The following ZFP3 variants were observed in gnomAD, a reference collection of about 807,000 sequenced individuals.
ZFP3 encodes zinc finger protein 3 homolog.
In ZFP3, 18 loss-of-function variants were observed where a neutral mutation model predicts 36.7. That is an observed-to-expected ratio of 0.49 (90% CI 0.34 to 0.73). ZFP3 has a LOEUF of 0.73. Ranked by LOEUF, ZFP3 falls within the 30% of genes least tolerant of loss-of-function variation. ZFP3 has a pLI of 0.01. For missense variants in ZFP3, 495 were observed against 599.0 expected (o/e 0.83, Z 1.81); for synonymous variants, 218 against 199.0 (o/e 1.10, Z -0.81).
In ZFP3 at chr17:5,091,961, A is replaced by C; in HGVS notation, c.457A>C (p.Asn153His). 2 of 1,614,174 alleles carry C rather than the reference A, an allele frequency of 1.2e-6. No homozygotes were observed. The highest frequency in any genetic ancestry group is 1.3e-5 in the African/African-American group (1 of 75,062). Residue 153 changes from asparagine to histidine, a missense_variant, in exon 2 of 2, where the codon AAC (asparagine) becomes CAC (histidine). This residue lies in a region of ZFP3 where 229 missense variants were observed against 233.8 expected (regional missense o/e 0.98). Transcript: ENST00000318833. ...CKECGKAFNQ[N>H]SHLIQHMRVH... is the part of the protein sequence containing the mutation. ...AGAATGTGGGAAAGCCTTTAATCAG[A>C]ACTCACATCTCATCCAGCATATGAG...
intron 1 of ZFP3, among the ~76,000 whole-genome samples, chr17:5,085,988 TGGA>T (rs2143524897): frequency 6.6e-6 from 1 of 152,278 alleles, no homozygotes; most frequent in East Asian, 1.9e-4. Flanking sequence ...GATGGTACCA[TGGA>T]GGAAGAAGAT....
intron 1 of ZFP3, among the ~76,000 whole-genome samples, chr17:5,091,139 C>G (rs1223823257): frequency 6.6e-6 from 1 of 152,040 alleles, no homozygotes; most frequent in Non-Finnish European, 1.5e-5. Flanking sequence ...CTCTTGAAAT[C>G]TTTTCTCACT....
In ZFP3 at chr17:5,095,077, T is replaced by C. The variant is rs560872543; in HGVS notation, c.*2064T>C. On this transcript the variant is annotated 3_prime_UTR_variant, in exon 2 of 2. Transcript: ENST00000318833. ...CTTATCTGAAACCCTTTGCACAGTT[T>C]CTATTACTGATTTCTATGTAGATTT... The C allele has an allele frequency of 1.2e-5, 2 of 167,264 alleles. No individual in the cohort carries two copies. The highest frequency in any genetic ancestry group is 3.8e-4 in the East Asian group (2 of 5,200). 10.4% of individuals were successfully genotyped at this position (167,264 alleles called of 1,614,324 possible). A position where few individuals can be genotyped will look rare whatever the true frequency, so the allele number is the denominator to read the frequency against.
At chr17:5,088,790 G>A (rs1057043827) in intron 1 of ZFP3, among the ~76,000 whole-genome samples, 2 of 152,144 alleles carry the variant, frequency 1.3e-5, no homozygotes, top group Non-Finnish European at 2.9e-5. Flanking sequence ...GACCACGAGT[G>A]TGCATCTGCG....
At chr17:5,081,500 C>T (rs2072093181) in intron 1 of ZFP3, among the ~76,000 whole-genome samples, 1 of 152,178 alleles carries the variant, frequency 6.6e-6, no homozygotes, top group African/African-American at 2.4e-5. Flanking sequence ...TATTTTGTAT[C>T]CTTGCCTATG....
chr17:5,078,955 A>G lies in ZFP3; in HGVS notation c.-9+380A>G, dbSNP rs956568523. On this transcript the variant is annotated intron_variant, in intron 1 of 1. Coordinates refer to ENST00000318833, the MANE Select transcript of ZFP3 (RefSeq NM_153018.3). This position sits in a 1 kb window ranked among gnomAD's most constrained non-coding sequence, Gnocchi z 4.5. ...GGCAGTGTCACAAACTTAACGCCCT[A>G]GTGGCAGATTGTGCCCTGTGCTGCC... Among the ~76,000 whole-genome samples, 1 of 152,208 alleles carries G rather than the reference A, an allele frequency of 6.6e-6. No homozygotes were observed. Among genetic ancestry groups the G allele is most frequent in the African/African-American group, 2.4e-5 (1 of 41,446 alleles).
intron 1 of ZFP3, 112 bp from the exon 2 acceptor site, chr17:5,091,385 C>T: frequency 1.6e-6 from 2 of 1,215,776 alleles, no homozygotes; most frequent in Non-Finnish European, 2.3e-6. Context: ...CTCCCCTGAC[C>T]AAGACTGTTT....
chr17:5,090,682 C>A (rs1279157079), intron 1 of ZFP3, among the ~76,000 whole-genome samples: 2 of 150,438 alleles, frequency 1.3e-5, no homozygotes, highest in African/African-American at 4.9e-5. Context: ...CTTTTTTTTT[C>A]TTTTTTGAGA....
intron 1 of ZFP3, among the ~76,000 whole-genome samples, chr17:5,084,604 TG>T (rs1263909554): frequency 2.0e-5 from 3 of 152,120 alleles, no homozygotes; most frequent in Non-Finnish European, 4.4e-5. Context: ...TTGCTTTCCT[TG>T]GGTGCATTGA....
At chr17:5,088,595 C>T (rs1212472597) in intron 1 of ZFP3, among the ~76,000 whole-genome samples, 5 of 151,450 alleles carry the variant, frequency 3.3e-5, no homozygotes, top group Admixed American at 3.3e-4. Flanking sequence ...ACTACAGGCG[C>T]CCGCCACCAT....
chr17:5,092,164 T>C lies in ZFP3; in HGVS notation c.660T>C (p.Thr220=), dbSNP rs781532327. The change falls in exon 2 of 2, where the codon ACT becomes ACC. Residue 220 remains threonine (T), a synonymous_variant. Transcript: ENST00000318833. The surrounding 1 kb of genome is among the most constrained non-coding windows in gnomAD (Gnocchi z 5.0). ...TTATTCACCATCATAGAATTCATAC[T>C]GGAGAGAGACCCTATAAATGTGAAG... ...SHLIHHHRIH[T]GERPYKCEEC... 5.0e-6 allele frequency: 8 copies of C among 1,614,056 alleles called. No homozygotes were observed. The highest frequency in any genetic ancestry group is 6.8e-6 in the Non-Finnish European group (8 of 1,180,044).
In ZFP3 at chr17:5,091,479, T is replaced by TG; in HGVS notation, c.-8-18_-8-17insG. ...AATATGATACGGTCCCTTCACATACTTACCTCTCTCATTTCAGATTGTGAG... is the reference window on the plus strand; with the variant it reads ...AATATGATACGGTCCCTTCACATACTGTACCTCTCTCATTTCAGATTGTGAG... On this transcript the variant is annotated splice_polypyrimidine_tract_variant and intron_variant, in intron 1 of 1. Coordinates refer to ENST00000318833, the MANE Select transcript of ZFP3 (RefSeq NM_153018.3). 4 of 1,607,964 alleles carry TG rather than the reference T, an allele frequency of 2.5e-6. No homozygotes were observed. The highest frequency in any genetic ancestry group is 3.4e-6 in the Non-Finnish European group (4 of 1,176,858).
chr17:5,085,369 G>GT (rs2072115434), intron 1 of ZFP3, among the ~76,000 whole-genome samples: 1 of 150,254 alleles, frequency 6.7e-6, no homozygotes, highest in African/African-American at 2.5e-5. Flanking sequence ...CTGAATTTGA[G>GT]TTTTGTTTTT....
In ZFP3 at chr17:5,078,762, G is replaced by T. The variant is rs2072077782; in HGVS notation, c.-9+187G>T. 6.6e-6 allele frequency among the ~76,000 whole-genome samples: 1 copy of T among 152,208 alleles called. No homozygotes were observed. The highest frequency in any genetic ancestry group is 1.5e-5 in the Non-Finnish European group (1 of 68,036). On this transcript the variant is annotated intron_variant, in intron 1 of 1. Transcript: ENST00000318833. This position sits in a 1 kb window ranked among gnomAD's most constrained non-coding sequence, Gnocchi z 4.5. ...TCATTTCCACCTGCACACAGAGAGG[G>T]TGGGGCCTGGACACCGCCAGGGACA...
At position 5,094,987 on chromosome 17, in the gene ZFP3, A is replaced by C. The variant is rs1194076348; in HGVS notation, c.*1974A>C. 6.0e-6 allele frequency: 1 copy of C among 167,024 alleles called. No individual in the cohort carries two copies. Among genetic ancestry groups the C allele is most frequent in the Non-Finnish European group, 1.5e-5 (1 of 68,108 alleles). 10.3% of individuals were successfully genotyped at this position (167,024 alleles called of 1,614,324 possible). On this transcript the variant is annotated 3_prime_UTR_variant, in exon 2 of 2. Coordinates refer to ENST00000318833, the MANE Select transcript of ZFP3 (RefSeq NM_153018.3). ...ACAGCTAGTAAGAGCGACAGCCAAG[A>C]CTCCAAACCTGGTTGATGCTCTTAA... is the stretch of plus-strand genomic sequence containing the variant.
intron 1 of ZFP3, among the ~76,000 whole-genome samples, chr17:5,081,107 T>C (rs1246289531): frequency 6.6e-6 from 1 of 151,480 alleles, no homozygotes; most frequent in Non-Finnish European, 1.5e-5. Flanking sequence ...TTTTTTTTTT[T>C]TCTTTTTTGA....
At position 5,092,441 on chromosome 17, in the gene ZFP3, G is replaced by C. The variant is rs1353583659; in HGVS notation, c.937G>C (p.Glu313Gln). 4 of 1,614,230 alleles carry C rather than the reference G, an allele frequency of 2.5e-6. No homozygotes were observed. The highest frequency in any genetic ancestry group is 2.5e-6 in the Non-Finnish European group (3 of 1,180,030). Residue 313 changes from glutamate to glutamine, a missense_variant, in exon 2 of 2, where the codon GAA becomes CAA. This residue lies in a region of ZFP3 where 103 missense variants were observed against 186.8 expected (regional missense o/e 0.55). Coordinates refer to ENST00000318833, the MANE Select transcript of ZFP3 (RefSeq NM_153018.3). The surrounding 1 kb of genome is among the most constrained non-coding windows in gnomAD (Gnocchi z 5.0). ...TGGAGAAAAACCATATCTGTGTAAT[G>C]AATGTGGGAAGGGCTTCGGGCAGAG... ...HTGEKPYLCN[E>Q]CGKGFGQSSE... is the part of the protein sequence containing the mutation.
Position 5,091,795 on chromosome 17 carries a change from C to CA in ZFP3, c.292dup (p.Ser98LysfsTer16). ...ATGAGAGTGAGAGAGGCTGCAGTCC[C>CA]AGCCCAAATCTGGTTACACATCAGG... On this transcript the variant is annotated frameshift_variant, in exon 2 of 2. Coordinates refer to ENST00000318833, the MANE Select transcript of ZFP3 (RefSeq NM_153018.3). LOFTEE classifies it high-confidence loss of function. The CA allele has an allele frequency of 6.2e-7, 1 of 1,614,176 alleles. No individual in the cohort carries two copies. Among genetic ancestry groups the CA allele is most frequent in the Non-Finnish European group, 8.5e-7 (1 of 1,180,044 alleles).
Position 5,092,345 on chromosome 17 carries a change from C to T in ZFP3, c.841C>T (p.His281Tyr). The change falls in exon 2 of 2, where the codon CAT becomes TAT. Residue 281 changes from histidine to tyrosine, a missense_variant. By Grantham distance (83) the His-to-Tyr change is moderately conservative. This residue lies in a region of ZFP3 where 103 missense variants were observed against 186.8 expected (regional missense o/e 0.55). Coordinates refer to ENST00000318833, the MANE Select transcript of ZFP3 (RefSeq NM_153018.3). The surrounding 1 kb of genome is among the most constrained non-coding windows in gnomAD (Gnocchi z 5.0). ...HQRIHTEERY[H>Y]ECNECGKAFK... ...GAGAATTCATACTGAAGAAAGATAC[C>T]ATGAATGCAATGAGTGTGGCAAAGC... is the stretch of plus-strand genomic sequence containing the variant. 2.5e-6 allele frequency: 4 copies of T among 1,613,888 alleles called. No individual in the cohort carries two copies. In the South Asian group the frequency reaches 4.4e-5, roughly 18 times the overall value.
Sources: allele counts gnomAD v4.1 joint callset (sites outside exome capture counted in the v4.1 genomes callset), GRCh38; gene constraint gnomAD v4.1.1; regional missense constraint gnomAD v4.1.1; non-coding constraint Gnocchi (gnomAD v3.1); transcripts MANE v1.5; gene names NCBI Gene and HGNC (gene_info 2026-07-23, HGNC 2026-07-21).